FRAS1: variants seen among roughly 807,000 people sequenced by gnomAD.
The protein encoded by FRAS1 is extracellular matrix organizing protein FRAS1.
In FRAS1, 290 loss-of-function variants were observed where a neutral mutation model predicts 435.2. That is an observed-to-expected ratio of 0.67 (90% CI 0.61 to 0.73). The LOEUF (loss-of-function observed/expected upper bound fraction) is 0.73, where lower values mean the gene tolerates loss of function less well. FRAS1 is among the 30% of genes least tolerant of loss of function. The pLI, the probability that FRAS1 is intolerant of heterozygous loss-of-function variation, is 0.00. For missense variants in FRAS1, 4,860 were observed against 5,001.5 expected, an observed-to-expected ratio of 0.97 and a Z score of 0.85; for synonymous variants, 1,800 against 1,851.0, an observed-to-expected ratio of 0.97 and a Z score of 0.71.
intron 2 of FRAS1, chr4:78,068,669 CT>C (rs1358074764): frequency 2.2e-6 from 1 of 451,188 alleles, no homozygotes; most frequent in African/African-American, 2.0e-5. Context: ...ATATTAAATA[CT>C]TTAAAAAGAC....
chr4:78,482,422 A>G lies in FRAS1; in HGVS notation c.8639A>G (p.Tyr2880Cys), dbSNP rs1490375270. ...TTGACTATCTTGGATGACACTCAGT[A>G]TCCGGTAATTGAAGGACTGGAGACA... Reference protein sequence around the residue: ...CTLTILDDTQYPVIEGLETFV... With the variant: ...CTLTILDDTQCPVIEGLETFV... The change falls in exon 58 of 74, where the codon TAT becomes TGT. Residue 2880 changes from tyrosine (Y) to cysteine (C), a missense_variant. Coordinates refer to ENST00000512123, the MANE Select transcript of FRAS1 (RefSeq NM_025074.7). The G allele has an allele frequency of 6.2e-7, 1 of 1,613,914 alleles. No individual in the cohort carries two copies. Among genetic ancestry groups the G allele is most frequent in the Admixed American group, 1.7e-5 (1 of 60,024 alleles).
chr4:78,414,147 A>G (rs1203356245), intron 32 of FRAS1, among the ~76,000 whole-genome samples: 1 of 152,238 alleles, frequency 6.6e-6, no homozygotes, highest in Non-Finnish European at 1.5e-5. Flanking sequence ...CATTTCCACC[A>G]TAAACCGTAA....
chr4:78,060,437 C>T (rs1284869193), intron 1 of FRAS1, among the ~76,000 whole-genome samples: 1 of 152,146 alleles, frequency 6.6e-6, no homozygotes, highest in Non-Finnish European at 1.5e-5. Context: ...CAGAATTTGT[C>T]GTTTTCTTCT....
intron 2 of FRAS1, among the ~76,000 whole-genome samples, chr4:78,135,927 G>A (rs1049309054): frequency 2.0e-5 from 3 of 152,142 alleles, no homozygotes; most frequent in Non-Finnish European, 4.4e-5. Context: ...ATAAGTTTAG[G>A]ATCCTCCTGT....
intron 29 of FRAS1, among the ~76,000 whole-genome samples, chr4:78,395,356 A>G (rs892316747): frequency 4.6e-5 from 7 of 151,998 alleles, no homozygotes; most frequent in African/African-American, 7.2e-5. Context: ...GTAATATTCT[A>G]TATACGTCTG....
chr4:78,287,783 C>T (rs1230285391), intron 14 of FRAS1, among the ~76,000 whole-genome samples: 1 of 152,130 alleles, frequency 6.6e-6, no homozygotes, highest in Non-Finnish European at 1.5e-5. Flanking sequence ...AGGTAATGGT[C>T]AGAAGCGGAG....
At chr4:78,116,814 C>A (rs982938258) in intron 2 of FRAS1, among the ~76,000 whole-genome samples, 1 of 152,112 alleles carries the variant, frequency 6.6e-6, no homozygotes, top group Non-Finnish European at 1.5e-5. Flanking sequence ...TTAATTGGAG[C>A]ACTTAGCCCA....
At chr4:78,355,530 T>C (rs936391032) in intron 20 of FRAS1, among the ~76,000 whole-genome samples, 1 of 152,174 alleles carries the variant, frequency 6.6e-6, no homozygotes, top group African/African-American at 2.4e-5. Context: ...ACACGCTCCC[T>C]ATTTAAACAT....
Position 78,452,175 on chromosome 4 carries a change from A to G in FRAS1, c.6584A>G (p.Glu2195Gly), listed in dbSNP as rs10029227. The G allele has an allele frequency of 4.9e-4, 789 of 1,613,464 alleles. 5 individuals carry two copies. In the African/African-American group the frequency reaches 9.8e-3, roughly 20 times the overall value. ...AAATCACTATTTCTGATATTTTCAG[A>G]AGACAAATCCCCACCAGTCATCACC... ...IDKSFSISIL[E>G]DKSPPVITTN... The change falls in exon 47 of 74, where the codon GAA (glutamate) becomes GGA (glycine). Residue 2195 changes from glutamate (E) to glycine (G), a missense_variant and splice_region_variant. By Grantham distance (98) the Glu-to-Gly change is moderately conservative. Coordinates refer to ENST00000512123, the MANE Select transcript of FRAS1 (RefSeq NM_025074.7).
intron 16 of FRAS1, among the ~76,000 whole-genome samples, chr4:78,316,540 C>T (rs1729263989): frequency 6.6e-6 from 1 of 152,150 alleles, no homozygotes; most frequent in Non-Finnish European, 1.5e-5. Context: ...CCACCACCCC[C>T]AACTCCTGAC....
intron 28 of FRAS1, 39 bp downstream of exon 28, chr4:78,384,182 C>G: frequency 4.6e-6 from 6 of 1,317,520 alleles, no homozygotes; most frequent in Non-Finnish European, 6.3e-6. Flanking sequence ...TTTTACATGA[C>G]TACTAGTTCT....
rs1167652849 is a variant in FRAS1, at chr4:78,536,986, T to C, written c.11093-9T>C. The C allele has an allele frequency of 6.2e-7, 1 of 1,611,266 alleles. No homozygotes were observed. Among genetic ancestry groups the C allele is most frequent in the African/African-American group, 1.3e-5 (1 of 74,976 alleles). ...GTCTGACCTAATTAATACCTTTCAA[T>C]CTTTTCAGGTCAAATCCTTTATGGC... On this transcript the variant is annotated splice_polypyrimidine_tract_variant and intron_variant, in intron 71 of 73. Transcript: ENST00000512123.
chr4:78,197,969 AACACT>A (rs1722887372), intron 2 of FRAS1, among the ~76,000 whole-genome samples: 1 of 152,018 alleles, frequency 6.6e-6, no homozygotes, highest in South Asian at 2.1e-4. Context: ...GACTGAATGC[AACACT>A]TTTATAGCAG....
At chr4:78,283,566 G>A (rs1203482102) in intron 12 of FRAS1, among the ~76,000 whole-genome samples, 3 of 152,166 alleles carry the variant, frequency 2.0e-5, no homozygotes. Context: ...TTGCCTATAA[G>A]TTTAGTCTCT....
At chr4:78,197,667 A>G (rs1722872116) in intron 2 of FRAS1, among the ~76,000 whole-genome samples, 2 of 151,882 alleles carry the variant, frequency 1.3e-5, no homozygotes, top group Admixed American at 1.3e-4. Context: ...CTGGGCTGGG[A>G]GTGGTGGCTC....
In FRAS1 at chr4:78,499,767, C is replaced by T. The variant is rs371348041; in HGVS notation, c.9162C>T (p.Pro3054=). 77 of 1,613,892 alleles carry T rather than the reference C, an allele frequency of 4.8e-5. No individual in the cohort carries two copies. The highest frequency in any genetic ancestry group is 1.3e-4 in the Admixed American group (8 of 60,020). Residue 3054 remains proline, a synonymous_variant, in exon 61 of 74, where the codon CCC becomes CCT. Coordinates refer to ENST00000512123, the MANE Select transcript of FRAS1 (RefSeq NM_025074.7). ...FEEAAYQVRE[P]AGPDAIAILN... ...AAGCTGCATACCAAGTCCGGGAACC[C>T]GCAGGCCCAGATGCCATTGCGATTC...
intron 2 of FRAS1, among the ~76,000 whole-genome samples, chr4:78,069,038 C>CT (rs1225103775): frequency 2.0e-5 from 3 of 152,202 alleles, no homozygotes; most frequent in Admixed American, 2.0e-4. Flanking sequence ...GATTATACAA[C>CT]TTTTTGGGTG....
intron 23 of FRAS1, among the ~76,000 whole-genome samples, chr4:78,371,391 A>G (rs1040979400): frequency 1.3e-5 from 2 of 152,184 alleles, no homozygotes; most frequent in Admixed American, 1.3e-4. Flanking sequence ...CTTAGCAGGA[A>G]TGGAAGGTGA....
At chr4:78,466,092 C>G in intron 49 of FRAS1, 116 bp from the exon 50 acceptor site, 1 of 737,830 alleles carries the variant, frequency 1.4e-6, no homozygotes, top group Non-Finnish European at 2.3e-6. Context: ...AAATACAGTC[C>G]TTACTTTATC....
Sources: allele counts gnomAD v4.1 joint callset (sites outside exome capture counted in the v4.1 genomes callset), GRCh38; gene constraint gnomAD v4.1.1; transcripts MANE v1.5; gene names NCBI Gene and HGNC (gene_info 2026-07-23, HGNC 2026-07-21).